Variants in PTPRG observed in about 807,000 individuals in gnomAD.
PTPRG encodes the protein protein tyrosine phosphatase receptor type G, also known as receptor-type tyrosine-protein phosphatase gamma.
Under a neutral mutation model 165.3 loss-of-function variants are expected in PTPRG, and 102 were observed. The observed-to-expected ratio is 0.62, with a 90% CI of 0.53 to 0.73. The LOEUF is 0.73. Among genes scored for constraint, PTPRG ranks in the 30% least tolerant of loss-of-function variants. The pLI, the probability that PTPRG is intolerant of heterozygous loss-of-function variation, is 0.00. For missense variants in PTPRG, 1,866 were observed against 1,861.4 expected, an observed-to-expected ratio of 1.00 and a Z score of -0.05; for synonymous variants, 675 against 669.5, an observed-to-expected ratio of 1.01 and a Z score of -0.13.
intron 2 of PTPRG, among the ~76,000 whole-genome samples, chr3:61,940,106 C>T (rs1309529474): frequency 6.6e-6 from 1 of 151,880 alleles, no homozygotes; most frequent in African/African-American, 2.4e-5. Flanking sequence ...ACCACCATGC[C>T]TGGCTGATTT....
chr3:61,564,048 A>G (rs1357635826), intron 1 of PTPRG, among the ~76,000 whole-genome samples: 5 of 152,030 alleles, frequency 3.3e-5, no homozygotes, highest in Non-Finnish European at 7.4e-5. Flanking sequence ...ACGGTAGGAC[A>G]CTGGGGCCTG....
intron 4 of PTPRG, among the ~76,000 whole-genome samples, chr3:62,028,849 C>A (rs960688787): frequency 6.6e-6 from 1 of 152,194 alleles, no homozygotes; most frequent in Admixed American, 6.5e-5. Flanking sequence ...TAGACAGCTT[C>A]TCTTAGTTGG....
At chr3:62,172,385 A>G (rs951930235) in intron 8 of PTPRG, among the ~76,000 whole-genome samples, 5 of 152,138 alleles carry the variant, frequency 3.3e-5, no homozygotes, top group African/African-American at 1.2e-4. Flanking sequence ...GAGGGTTTCA[A>G]TTTCTCCATA....
chr3:61,965,696 T>C (rs1023473557), intron 2 of PTPRG, among the ~76,000 whole-genome samples: 3 of 152,214 alleles, frequency 2.0e-5, no homozygotes, highest in African/African-American at 7.2e-5. Flanking sequence ...GGCTAATATT[T>C]AACACGTAAC....
chr3:61,707,970 G>A (rs1029189385), intron 1 of PTPRG, among the ~76,000 whole-genome samples: 5 of 151,966 alleles, frequency 3.3e-5, no homozygotes, highest in Admixed American at 6.6e-5. Flanking sequence ...TGTATTTTTT[G>A]TAGAGATAGG....
At chr3:61,770,839 T>C (rs558220694) in intron 2 of PTPRG, 28 of 152,362 alleles carry the variant, frequency 1.8e-4, no homozygotes, top group African/African-American at 6.5e-4. Context: ...TATTTTTGCC[T>C]GCCAAGGAAT....
chr3:62,051,499 C>T (rs1700467875), intron 4 of PTPRG, among the ~76,000 whole-genome samples: 1 of 152,126 alleles, frequency 6.6e-6, no homozygotes, highest in South Asian at 2.1e-4. Context: ...GTTGGAGTTT[C>T]TCAAAGCTTA....
chr3:61,778,007 A>T lies in PTPRG; in HGVS notation c.190+29025A>T, dbSNP rs548725600. ...TACAATACGTGCCATTCACTCATTC[A>T]TTCATTCATGTAACAGGATACTTGG... On this transcript the variant is annotated intron_variant, in intron 2 of 29. Transcript: ENST00000474889. 3.3e-5 allele frequency among the ~76,000 whole-genome samples: 5 copies of T among 152,268 alleles called. No homozygotes were observed. In the South Asian group the frequency reaches 1.0e-3, roughly 32 times the overall value.
intron 5 of PTPRG, among the ~76,000 whole-genome samples, chr3:62,080,000 G>A (rs954181766): frequency 3.3e-5 from 5 of 150,748 alleles, no homozygotes; most frequent in Non-Finnish European, 7.4e-5. Flanking sequence ...ATGAACAGAA[G>A]TATGTTCTGG....
chr3:61,864,085 T>G (rs1162299248), intron 2 of PTPRG, among the ~76,000 whole-genome samples: 1 of 152,122 alleles, frequency 6.6e-6, no homozygotes, highest in Admixed American at 6.5e-5. Flanking sequence ...CTCTTCACAT[T>G]TGTACAATGG....
chr3:62,058,241 C>T (rs1442059331), intron 4 of PTPRG, among the ~76,000 whole-genome samples: 1 of 152,200 alleles, frequency 6.6e-6, no homozygotes, highest in Non-Finnish European at 1.5e-5. Flanking sequence ...TCATTCCTAA[C>T]CTCACCTTAA....
At chr3:61,843,080 A>G (rs1042365031) in intron 2 of PTPRG, among the ~76,000 whole-genome samples, 1 of 152,216 alleles carries the variant, frequency 6.6e-6, no homozygotes, top group African/African-American at 2.4e-5. Context: ...TCATAGAAGA[A>G]GTTTTTTATC....
chr3:62,113,520 A>G (rs1702744954), intron 5 of PTPRG, among the ~76,000 whole-genome samples: 2 of 152,244 alleles, frequency 1.3e-5, no homozygotes, highest in South Asian at 2.1e-4. Flanking sequence ...ATATAAAAAT[A>G]TGAAAATTGA....
intron 2 of PTPRG, among the ~76,000 whole-genome samples, chr3:61,820,280 T>C (rs990713634): frequency 5.3e-5 from 8 of 152,210 alleles, no homozygotes; most frequent in African/African-American, 1.7e-4. Flanking sequence ...AAGAAACTTA[T>C]GGCCCTGGTT....
chr3:61,746,208 A>ATTTTTT lies in PTPRG; in HGVS notation c.86-2647_86-2642dup, dbSNP rs750697053. Among the ~76,000 whole-genome samples, 48 of 81,316 alleles carry ATTTTTT rather than the reference A, an allele frequency of 5.9e-4. 3 individuals are homozygous for ATTTTTT. Among genetic ancestry groups the ATTTTTT allele is most frequent in the African/African-American group, 1.2e-3 (23 of 18,606 alleles). 53.3% of individuals were successfully genotyped at this position (81,316 alleles called of 152,430 possible). On this transcript the variant is annotated intron_variant, in intron 1 of 29. Coordinates refer to ENST00000474889, the MANE Select transcript of PTPRG (RefSeq NM_002841.4). ...CAGGCGTGTGCCACCACACACTCTA[A>ATTTTTT]TTTTTTTTTTTTTTTTTTTTTTTTT...
chr3:62,023,116 A>G (rs563615142), intron 4 of PTPRG, among the ~76,000 whole-genome samples: 1 of 152,288 alleles, frequency 6.6e-6, no homozygotes, highest in East Asian at 1.9e-4. Context: ...TAAATAATGT[A>G]ATGAAACAGA....
At chr3:62,157,587 ACT>A (rs769863336) in intron 7 of PTPRG, among the ~76,000 whole-genome samples, 2 of 152,076 alleles carry the variant, frequency 1.3e-5, no homozygotes, top group Non-Finnish European at 1.5e-5. Flanking sequence ...CATGAACAAC[ACT>A]CTTGTGAGGT....
At chr3:61,628,663 G>C (rs1701683373) in intron 1 of PTPRG, among the ~76,000 whole-genome samples, 1 of 152,078 alleles carries the variant, frequency 6.6e-6, no homozygotes, top group Non-Finnish European at 1.5e-5. Flanking sequence ...TAATGTTGGT[G>C]GTGATGGTAA....
intron 2 of PTPRG, among the ~76,000 whole-genome samples, chr3:61,979,275 G>C (rs559697509): frequency 1.3e-5 from 2 of 152,276 alleles, no homozygotes; most frequent in African/African-American, 4.8e-5. Flanking sequence ...TTCTTTGCCT[G>C]CTCATCACAG....
Sources: gnomAD v4.1 joint callset for allele counts (sites outside exome capture counted in the v4.1 genomes callset) on GRCh38, gnomAD v4.1.1 for gene constraint, MANE v1.5 for transcripts, NCBI Gene and HGNC (gene_info 2026-07-23, HGNC 2026-07-21) for gene names.